The following ME1 variants were observed in gnomAD, a reference collection of about 807,000 sequenced individuals.
ME1 encodes NADP-dependent malic enzyme.
ME1 carries 74 observed loss-of-function variants against 66.4 expected under a neutral mutation model. The ratio of observed to expected loss-of-function variants is 1.11; its 90% CI spans 0.92 to 1.35. The LOEUF is 1.35. ME1 is among the 40% of genes most tolerant of loss of function. The probability of loss-of-function intolerance (pLI) is 0.00; values close to 1 mark genes in which losing one functional copy is unlikely to be tolerated. For missense variants in ME1, 750 were observed against 694.1 expected (o/e 1.08, Z -0.90); for synonymous variants, 251 against 235.6 (o/e 1.07, Z -0.60).
intron 6 of ME1, among the ~76,000 whole-genome samples, chr6:83,259,399 A>T (rs1766841332): frequency 6.6e-6 from 1 of 152,176 alleles, no homozygotes; most frequent in African/African-American, 2.4e-5. Flanking sequence ...CACACTGATC[A>T]CTAAAGGACT....
intron 3 of ME1, among the ~76,000 whole-genome samples, chr6:83,379,791 T>C (rs1466724576): frequency 6.6e-6 from 1 of 152,102 alleles, no homozygotes; most frequent in African/African-American, 2.4e-5. Context: ...ACGTAGAAAC[T>C]TCTGCTTTAT....
chr6:83,388,874 G>A (rs928912448), intron 3 of ME1, among the ~76,000 whole-genome samples: 3 of 152,114 alleles, frequency 2.0e-5, no homozygotes, highest in Non-Finnish European at 2.9e-5. Flanking sequence ...CCAGCACTTT[G>A]GGAGGCCAAG....
chr6:83,410,446 A>G (rs1165645960), intron 1 of ME1, among the ~76,000 whole-genome samples: 1 of 152,204 alleles, frequency 6.6e-6, no homozygotes, highest in African/African-American at 2.4e-5. Flanking sequence ...ATGGAAGACA[A>G]ACTTCACTTG....
chr6:83,376,637 T>C (rs1196322071), intron 3 of ME1, among the ~76,000 whole-genome samples: 2 of 143,424 alleles, frequency 1.4e-5, no homozygotes, highest in African/African-American at 5.2e-5. Context: ...TCCATCTCTG[T>C]CAAAAAAAAA....
At chr6:83,396,100 C>T (rs575520404) in intron 3 of ME1, among the ~76,000 whole-genome samples, 99 of 152,138 alleles carry the variant, frequency 6.5e-4, no homozygotes, top group Admixed American at 1.8e-3. Flanking sequence ...GTGGCTCATG[C>T]CTGTACTTTG....
At chr6:83,327,094 A>T (rs1385990047) in intron 5 of ME1, among the ~76,000 whole-genome samples, 1 of 152,212 alleles carries the variant, frequency 6.6e-6, no homozygotes, top group African/African-American at 2.4e-5. Flanking sequence ...TCACTTCCCC[A>T]ATCAATACCC....
intron 6 of ME1, among the ~76,000 whole-genome samples, chr6:83,307,456 G>T (rs777857793): frequency 1.3e-5 from 2 of 152,008 alleles, no homozygotes; most frequent in East Asian, 1.9e-4. Context: ...TTCACCCTGG[G>T]TCCACAGGGA....
chr6:83,321,905 C>T (rs62419294), intron 5 of ME1, among the ~76,000 whole-genome samples: 10 of 152,304 alleles, frequency 6.6e-5, no homozygotes, highest in Middle Eastern at 3.4e-3. Context: ...AGGAGAGCTC[C>T]GGCTGGCATC....
intron 13 of ME1, 138 bp from the exon 14 acceptor site, chr6:83,212,232 C>T: frequency 5.9e-6 from 3 of 510,660 alleles, no homozygotes; most frequent in Non-Finnish European, 9.8e-6. Flanking sequence ...AATAAAAGCA[C>T]ATATAAGCAA....
intron 1 of ME1, 72 bp downstream of exon 1, chr6:83,430,805 G>C (rs1341370654): frequency 3.8e-6 from 5 of 1,324,130 alleles, no homozygotes; most frequent in Middle Eastern, 1.9e-4. Flanking sequence ...GCCATGGTGC[G>C]GGGACCTGCA....
At chr6:83,344,003 G>T (rs1768639183) in intron 5 of ME1, among the ~76,000 whole-genome samples, 2 of 150,932 alleles carry the variant, frequency 1.3e-5, no homozygotes, top group Non-Finnish European at 2.9e-5. Flanking sequence ...AATGGCCAAG[G>T]TTTAAAACTG....
rs1313725146 is a variant in ME1, at chr6:83,211,598, T to C, written c.*326A>G. 5.9e-6 allele frequency: 1 copy of C among 168,594 alleles called. No homozygotes were observed. The highest frequency in any genetic ancestry group is 2.4e-5 in the African/African-American group (1 of 42,134). The allele number at this position is 168,594 out of a possible 1,614,324, so 10.4% of individuals were successfully genotyped here. Reference sequence around the variant, plus strand: ...ATTATGAGTTTTAATGTTGGTTATGTCAATTTATTAGTAATTTTGGTCTTC... The same window carrying C: ...ATTATGAGTTTTAATGTTGGTTATGCCAATTTATTAGTAATTTTGGTCTTC... On this transcript the variant is annotated 3_prime_UTR_variant, in exon 14 of 14. Transcript: ENST00000369705.
intron 6 of ME1, among the ~76,000 whole-genome samples, chr6:83,275,289 G>A (rs1190017392): frequency 5.3e-5 from 8 of 151,522 alleles, no homozygotes; most frequent in East Asian, 2.0e-4. Context: ...AGCAGAGATC[G>A]TGCTACTGCA....
At chr6:83,366,594 G>A (rs1769104694) in intron 3 of ME1, among the ~76,000 whole-genome samples, 1 of 152,168 alleles carries the variant, frequency 6.6e-6, no homozygotes, top group Non-Finnish European at 1.5e-5. Context: ...GAAACACTAT[G>A]GCAAAAATCC....
At chr6:83,332,489 A>G (rs1476962108) in intron 5 of ME1, among the ~76,000 whole-genome samples, 2 of 152,220 alleles carry the variant, frequency 1.3e-5, no homozygotes, top group East Asian at 3.8e-4. Flanking sequence ...ACAATTGCGA[A>G]GATATGAAAT....
chr6:83,276,978 T>G (rs1012618419), intron 6 of ME1, among the ~76,000 whole-genome samples: 1 of 152,196 alleles, frequency 6.6e-6, no homozygotes, highest in African/African-American at 2.4e-5. Flanking sequence ...TGCAATAAAC[T>G]GTTAAGTGGT....
chr6:83,263,265 T>C (rs1766929692), intron 6 of ME1, among the ~76,000 whole-genome samples: 1 of 152,148 alleles, frequency 6.6e-6, no homozygotes, highest in African/African-American at 2.4e-5. Flanking sequence ...CCCTATTCCC[T>C]GAGACACAAC....
chr6:83,293,085 A>G lies in ME1; in HGVS notation c.704+22225T>C, dbSNP rs115691347. 4.7e-3 allele frequency among the ~76,000 whole-genome samples: 715 copies of G among 152,098 alleles called. 3 individuals are homozygous for G. The highest frequency in any genetic ancestry group is 0.017 in the African/African-American group (688 of 41,486). On this transcript the variant is annotated intron_variant, in intron 6 of 13. Coordinates refer to ENST00000369705, the MANE Select transcript of ME1 (RefSeq NM_002395.6). ...TTGGCTAGGAAAGAGAAATCCCCTGACCGCTTGCACTTCCCAGGTGAGGCG... is the reference window on the plus strand; with the variant it reads ...TTGGCTAGGAAAGAGAAATCCCCTGGCCGCTTGCACTTCCCAGGTGAGGCG...
intron 6 of ME1, among the ~76,000 whole-genome samples, chr6:83,262,350 G>A (rs1219130311): frequency 2.6e-5 from 4 of 152,076 alleles, no homozygotes; most frequent in African/African-American, 9.7e-5. Flanking sequence ...CATTCCTTAT[G>A]CCTAAAATGC....
Sources: allele counts gnomAD v4.1 joint callset (sites outside exome capture counted in the v4.1 genomes callset), GRCh38; gene constraint gnomAD v4.1.1; transcripts MANE v1.5; gene names NCBI Gene and HGNC (gene_info 2026-07-23, HGNC 2026-07-21).